TMC1: variants seen among roughly 807,000 people sequenced by gnomAD.
TMC1 encodes the protein transmembrane channel-like protein 1.
Under a neutral mutation model 105.8 loss-of-function variants are expected in TMC1, and 84 were observed. The observed-to-expected ratio is 0.79, with a 90% CI of 0.67 to 0.95. The LOEUF (loss-of-function observed/expected upper bound fraction) is 0.95. Ranked by LOEUF, TMC1 falls within the 40% of genes least tolerant of loss-of-function variation. The pLI, the probability that TMC1 is intolerant of heterozygous loss-of-function variation, is 0.00. For synonymous variants in TMC1, 315 were observed against 311.5 expected (o/e 1.01, Z -0.12); for missense variants, 817 against 914.1 (o/e 0.89, Z 1.37).
chr9:72,618,146 A>G (rs908732181), intron 3 of TMC1, among the ~76,000 whole-genome samples: 2 of 146,344 alleles, frequency 1.4e-5, no homozygotes, highest in African/African-American at 5.1e-5. Flanking sequence ...CTCTTGCCTC[A>G]GCCTCTCGAG....
At chr9:72,783,545 T>A (rs1406671566) in intron 13 of TMC1, among the ~76,000 whole-genome samples, 3 of 152,132 alleles carry the variant, frequency 2.0e-5, no homozygotes, top group Admixed American at 1.3e-4. Flanking sequence ...CCCACCCACA[T>A]TAAGGGTGGG....
At chr9:72,601,669 C>CA (rs1824818297) in intron 2 of TMC1, among the ~76,000 whole-genome samples, 1 of 151,850 alleles carries the variant, frequency 6.6e-6, no homozygotes, top group South Asian at 2.1e-4. Flanking sequence ...AAAACAAAAC[C>CA]AAAAAAACCA....
At position 72,688,838 on chromosome 9, in the gene TMC1, G is replaced by A. The variant is rs1588032960; in HGVS notation, c.64+82G>A. 9.4e-6 allele frequency: 11 copies of A among 1,171,276 alleles called. No homozygotes were observed. The South Asian group carries it at 1.2e-4, about 12-fold the overall frequency. The allele number at this position is 1,171,276 out of a possible 1,614,324, so 72.6% of individuals were successfully genotyped here. A position where few individuals can be genotyped will look rare whatever the true frequency, so the allele number is the denominator to read the frequency against. On this transcript the variant is annotated intron_variant, in intron 6 of 23. Coordinates refer to ENST00000297784, the MANE Select transcript of TMC1 (RefSeq NM_138691.3). ...AGAATTTATCCTCTTGTGGACTTGA[G>A]CTACCATATGTAAGCAGAAGTGTGT...
chr9:72,586,060 C>T (rs76763151), intron 2 of TMC1, among the ~76,000 whole-genome samples: 1,630 of 152,276 alleles, frequency 0.011, 35 homozygotes, highest in African/African-American at 0.037. Context: ...AAACAATTTA[C>T]ACAAGGGCTG....
rs1420707402 is a variant in TMC1, at chr9:72,836,677, C to T, written c.*704C>T. ...AGAAGGTACATGAGTCTTACACAAC[C>T]TAGCTTTTTATGAGATAAAATTAAA... is the stretch of plus-strand genomic sequence containing the variant. On this transcript the variant is annotated 3_prime_UTR_variant, in exon 24 of 24. Coordinates refer to ENST00000297784, the MANE Select transcript of TMC1 (RefSeq NM_138691.3). 2 of 151,908 alleles carry T rather than the reference C, an allele frequency of 1.3e-5. No individual in the cohort carries two copies. Among genetic ancestry groups the T allele is most frequent in the Non-Finnish European group, 2.9e-5 (2 of 68,004 alleles). 9.4% of individuals were successfully genotyped at this position (151,908 alleles called of 1,614,324 possible).
Position 72,694,633 on chromosome 9 carries a change from A to G in TMC1, c.155A>G (p.Asp52Gly), listed in dbSNP as rs1185774277. The G allele has an allele frequency of 3.7e-6, 6 of 1,612,944 alleles. No homozygotes were observed. Among genetic ancestry groups the G allele is most frequent in the Non-Finnish European group, 5.1e-6 (6 of 1,179,512 alleles). Residue 52 changes from aspartate to glycine, a missense_variant, in exon 7 of 24, where the codon GAT becomes GGT. Physicochemically the swap from Asp to Gly is moderately conservative, Grantham distance 94. Coordinates refer to ENST00000297784, the MANE Select transcript of TMC1 (RefSeq NM_138691.3). ...RKRTRDVINE[D>G]DPEPEPEDEE... ...CGGACCAGAGATGTTATCAATGAGG[A>G]TGACCCAGAACCTGAACCAGAGGAT... is the stretch of plus-strand genomic sequence containing the variant.
At chr9:72,549,373 C>T (rs1038980159) in intron 1 of TMC1, among the ~76,000 whole-genome samples, 1 of 152,092 alleles carries the variant, frequency 6.6e-6, no homozygotes, top group Non-Finnish European at 1.5e-5. Flanking sequence ...GCTGGGATTA[C>T]AGGCATGAAC....
At chr9:72,618,185 C>T (rs960240183) in intron 3 of TMC1, among the ~76,000 whole-genome samples, 15 of 151,758 alleles carry the variant, frequency 9.9e-5, no homozygotes, top group East Asian at 7.8e-4. Flanking sequence ...CCCACCACCA[C>T]GCCCGGCTAA....
chr9:72,634,220 C>A (rs953520127), intron 4 of TMC1, among the ~76,000 whole-genome samples: 3 of 152,088 alleles, frequency 2.0e-5, no homozygotes, highest in Non-Finnish European at 2.9e-5. Flanking sequence ...GCATGAGTCA[C>A]AGGTCCGGGT....
chr9:72,535,228 A>G (rs1823561456), intron 1 of TMC1, among the ~76,000 whole-genome samples: 1 of 152,194 alleles, frequency 6.6e-6, no homozygotes, highest in South Asian at 2.1e-4. Context: ...TTTGTTTAGC[A>G]TGTTACAAAG....
intron 13 of TMC1, among the ~76,000 whole-genome samples, chr9:72,786,028 T>C (rs1371972836): frequency 1.3e-5 from 2 of 152,194 alleles, no homozygotes; most frequent in Admixed American, 6.5e-5. Flanking sequence ...CCCTGTTGGT[T>C]TAGGATTTAA....
chr9:72,603,143 T>C (rs1430363225), intron 2 of TMC1, among the ~76,000 whole-genome samples: 1 of 152,160 alleles, frequency 6.6e-6, no homozygotes, highest in African/African-American at 2.4e-5. Flanking sequence ...GAGAAATTGG[T>C]CACGTAAATC....
intron 12 of TMC1, among the ~76,000 whole-genome samples, chr9:72,770,469 A>G (rs1262295422): frequency 7.3e-6 from 1 of 137,568 alleles, no homozygotes; most frequent in Non-Finnish European, 1.5e-5. Flanking sequence ...CCTAGGCTGC[A>G]GTGCAATGGT....
chr9:72,702,298 G>A (rs576834515), intron 8 of TMC1, among the ~76,000 whole-genome samples: 1 of 152,100 alleles, frequency 6.6e-6, no homozygotes, highest in African/African-American at 2.4e-5. Flanking sequence ...ATACCCCCCT[G>A]GTCTTTGCCC....
chr9:72,761,061 T>G (rs781608585), intron 12 of TMC1, among the ~76,000 whole-genome samples: 11 of 152,172 alleles, frequency 7.2e-5, no homozygotes, highest in Non-Finnish European at 1.3e-4. Flanking sequence ...TCTTATTGAG[T>G]GCATAATGAT....
intron 8 of TMC1, among the ~76,000 whole-genome samples, chr9:72,719,678 A>G (rs965031658): frequency 3.3e-5 from 5 of 152,240 alleles, no homozygotes; most frequent in South Asian, 2.1e-4. Flanking sequence ...TATTCTATCC[A>G]TCCAAGTGGG....
intron 12 of TMC1, among the ~76,000 whole-genome samples, chr9:72,763,725 G>A (rs1440018727): frequency 6.6e-6 from 1 of 152,096 alleles, no homozygotes; most frequent in African/African-American, 2.4e-5. Context: ...ACAAGGCATT[G>A]GAGAGACAGA....
At chr9:72,796,769 A>G (rs1828377792) in intron 17 of TMC1, among the ~76,000 whole-genome samples, 1 of 152,132 alleles carries the variant, frequency 6.6e-6, no homozygotes, top group Admixed American at 6.6e-5. Flanking sequence ...CAAAATCATA[A>G]TGAACGGACA....
At chr9:72,610,774 G>T (rs1825012624) in intron 2 of TMC1, among the ~76,000 whole-genome samples, 1 of 152,210 alleles carries the variant, frequency 6.6e-6, no homozygotes, top group African/African-American at 2.4e-5. Context: ...AAAGCCTGTA[G>T]ATGAATATCT....
Sources: allele counts gnomAD v4.1 joint callset (sites outside exome capture counted in the v4.1 genomes callset), GRCh38; gene constraint gnomAD v4.1.1; transcripts MANE v1.5; gene names NCBI Gene and HGNC (gene_info 2026-07-23, HGNC 2026-07-21).